The following PIGV variants were observed in gnomAD, a reference collection of about 807,000 sequenced individuals.
The protein encoded by PIGV is GPI alpha-1,6-mannosyltransferase 2.
A neutral mutation model predicts 39.2 loss-of-function variants in PIGV; 27 were observed. The ratio of observed to expected loss-of-function variants is 0.69; its 90% CI spans 0.51 to 0.95. PIGV has a LOEUF of 0.95. PIGV is among the 40% of genes least tolerant of loss of function. PIGV has a pLI of 0.00. For missense variants in PIGV, 523 were observed against 586.4 expected, an observed-to-expected ratio of 0.89 and a Z score of 1.12; for synonymous variants, 232 against 241.7, an observed-to-expected ratio of 0.96 and a Z score of 0.37.
Position 26,800,462 on chromosome 1 carries a change from C to T in PIGV, c.*2618C>T, listed in dbSNP as rs1366084440. ...CTAGAAGTAGATGCTTTTTTTTGTTCTTTAATGAAGGTGGGAGGAGAGTGT... is the reference window on the plus strand; with the variant it reads ...CTAGAAGTAGATGCTTTTTTTTGTTTTTTAATGAAGGTGGGAGGAGAGTGT... On this transcript the variant is annotated 3_prime_UTR_variant, in exon 4 of 4. Transcript: ENST00000674202. Among the ~76,000 whole-genome samples the T allele has an allele frequency of 2.0e-5, 3 of 152,006 alleles. No individual in the cohort carries two copies. Among genetic ancestry groups the T allele is most frequent in the Non-Finnish European group, 4.4e-5 (3 of 67,970 alleles).
In PIGV at chr1:26,799,681, C is replaced by T. The variant is rs766519650; in HGVS notation, c.*1837C>T. Among the ~76,000 whole-genome samples, 6 of 152,168 alleles carry T rather than the reference C, an allele frequency of 3.9e-5. No homozygotes were observed. The highest frequency in any genetic ancestry group is 1.3e-4 in the Admixed American group (2 of 15,276). ...TGGCCAATAAGCATTTCCCATCCATCGCCCCAGCACTAGGACAGCTGAGAG... is the reference window on the plus strand; with the variant it reads ...TGGCCAATAAGCATTTCCCATCCATTGCCCCAGCACTAGGACAGCTGAGAG... On this transcript the variant is annotated 3_prime_UTR_variant, in exon 4 of 4. Transcript: ENST00000674202.
rs2081351058 is a variant in PIGV, at chr1:26,794,356, T to C, written c.322T>C (p.Leu108=). Residue 108 remains leucine (L), a synonymous_variant, in exon 3 of 4, where the codon TTA becomes CTA. Coordinates refer to ENST00000674202, the MANE Select transcript of PIGV (RefSeq NM_017837.4). ...TGAACTGTTGAGACCCTTACGGGGG[T>C]TACTGAGTCTACGCAGTTGCCTGCT... ...GTELLRPLRG[L]LSLRSCLLIS... 1.2e-6 allele frequency: 2 copies of C among 1,614,172 alleles called. No individual in the cohort carries two copies. Among genetic ancestry groups the C allele is most frequent in the African/African-American group, 2.7e-5 (2 of 75,048 alleles).
chr1:26,794,379 G>T lies in PIGV; in HGVS notation c.345G>T (p.Leu115=). The T allele has an allele frequency of 1.2e-6, 2 of 1,614,256 alleles. No homozygotes were observed. Among genetic ancestry groups the T allele is most frequent in the Non-Finnish European group, 1.7e-6 (2 of 1,180,046 alleles). Residue 115 remains leucine (L), a synonymous_variant, in exon 3 of 4, where the codon CTG becomes CTT. Coordinates refer to ENST00000674202, the MANE Select transcript of PIGV (RefSeq NM_017837.4). The part of the protein sequence containing the change: ...LRGLLSLRSC[L]LISVASLNFL... ...GGTTACTGAGTCTACGCAGTTGCCT[G>T]CTGATTTCGGTAGCATCACTCAATT...
rs1350867040 is a variant in PIGV, at chr1:26,794,406, CT to C, written c.374del (p.Leu125CysfsTer52). On this transcript the variant is annotated frameshift_variant, in exon 3 of 4. Transcript: ENST00000674202. LOFTEE classifies it high-confidence loss of function. ...TGATTTCGGTAGCATCACTCAATTT[CT>C]TGTTCTTCATGTTGGCTGCAGTTGC... ...LLISVASLNF[L>X]FFMLAAVALH... 2 of 1,614,236 alleles carry C rather than the reference CT, an allele frequency of 1.2e-6. No individual in the cohort carries two copies. Among genetic ancestry groups the C allele is most frequent in the Non-Finnish European group, 1.7e-6 (2 of 1,180,038 alleles).
chr1:26,797,600 T>C lies in PIGV; in HGVS notation c.1238T>C (p.Met413Thr), dbSNP rs2081400850. 1.2e-6 allele frequency: 2 copies of C among 1,614,162 alleles called. No homozygotes were observed. The highest frequency in any genetic ancestry group is 8.5e-7 in the Non-Finnish European group (1 of 1,180,000). Residue 413 changes from methionine (M) to threonine (T), a missense_variant, in exon 4 of 4, where the codon ATG becomes ACG. By Grantham distance (81) the Met-to-Thr change is moderately conservative (BLOSUM62 -1). Coordinates refer to ENST00000674202, the MANE Select transcript of PIGV (RefSeq NM_017837.4). ...TRFLGSSTPI[M>T]YWFPAHLLQD... is the part of the protein sequence containing the mutation. ...TTTTTGGGCTCCTCCACTCCTATTATGTACTGGTTTCCAGCTCACTTGCTT... is the reference window on the plus strand; with the variant it reads ...TTTTTGGGCTCCTCCACTCCTATTACGTACTGGTTTCCAGCTCACTTGCTT...
At position 26,794,105 on chromosome 1, in the gene PIGV, C is replaced by T; in HGVS notation, c.79-8C>T. 2 of 1,614,060 alleles carry T rather than the reference C, an allele frequency of 1.2e-6. No homozygotes were observed. The highest frequency in any genetic ancestry group is 1.7e-6 in the Non-Finnish European group (2 of 1,179,894). The stretch of plus-strand genomic sequence containing the variant: ...CAACCAAAATTCTGGTTTTTCTTTA[C>T]TCCACAGGCCCTCTTCAATGCCATC... On this transcript the variant is annotated splice_region_variant and splice_polypyrimidine_tract_variant and intron_variant, in intron 2 of 3. Transcript: ENST00000674202.
intron 1 of PIGV, chr1:26,788,891 TGA>T (rs2081274987): frequency 6.6e-6 from 1 of 152,228 alleles, no homozygotes; most frequent in South Asian, 2.1e-4. Context: ...GGCAATTAGC[TGA>T]GAGGGAGAAT....
At chr1:26,789,055 C>T (rs1260238233) in intron 1 of PIGV, 1 of 152,194 alleles carries the variant, frequency 6.6e-6, no homozygotes, top group Non-Finnish European at 1.5e-5. Flanking sequence ...TTTCTGATCC[C>T]AGCTTCTCTT....
rs1462326347 is a variant in PIGV at position 26,794,278 on chromosome 1, G to A, written c.244G>A (p.Glu82Lys). ...CATTGCTGAGCATGGCTACCTGTAT[G>A]AGCACAACTTTGCCTTCTTTCCTGG... is the stretch of plus-strand genomic sequence containing the variant. ...LFIAEHGYLYEHNFAFFPGFP... is the reference protein window; with the variant it reads ...LFIAEHGYLYKHNFAFFPGFP... The change falls in exon 3 of 4, where the codon GAG becomes AAG. Residue 82 changes from glutamate (E) to lysine (K), a missense_variant. Physicochemically the swap from Glu to Lys is moderately conservative, Grantham distance 56 (BLOSUM62 1). Coordinates refer to ENST00000674202, the MANE Select transcript of PIGV (RefSeq NM_017837.4). 1 of 1,614,232 alleles carries A rather than the reference G, an allele frequency of 6.2e-7. No homozygotes were observed. Among genetic ancestry groups the A allele is most frequent in the Non-Finnish European group, 8.5e-7 (1 of 1,180,046 alleles).
At position 26,794,974 on chromosome 1, in the gene PIGV, GTTGGCT is replaced by G. The variant is rs746610869; in HGVS notation, c.943_948del (p.Gly315_Phe316del). ...CTATATCCAGGATGTCTACTGGAATGTTGGCTTTTTGAAATACTATGAGCTCAAGCA... is the reference window on the plus strand; with the variant it reads ...CTATATCCAGGATGTCTACTGGAATGTTTTGAAATACTATGAGCTCAAGCA... On this transcript the variant is annotated inframe_deletion, in exon 3 of 4. Transcript: ENST00000674202. The G allele has an allele frequency of 6.2e-7, 1 of 1,614,240 alleles. No individual in the cohort carries two copies. The highest frequency in any genetic ancestry group is 8.5e-7 in the Non-Finnish European group (1 of 1,180,042).
rs1440653895 is a variant in PIGV at position 26,794,674 on chromosome 1, A to C, written c.640A>C (p.Met214Leu). Residue 214 changes from methionine to leucine, a missense_variant, in exon 3 of 4, where the codon ATG (methionine) becomes CTG (leucine). Transcript: ENST00000674202. Reference sequence around the variant, plus strand: ...CGGGCTGGTCAGTGTTGGCTTCCTCATGCATTCTCAATGCCAAGGCTTTTT... The same window carrying C: ...CGGGCTGGTCAGTGTTGGCTTCCTCCTGCATTCTCAATGCCAAGGCTTTTT... ...SNGLVSVGFLMHSQCQGFFSS... is the reference protein window; with the variant it reads ...SNGLVSVGFLLHSQCQGFFSS... 26 of 1,614,084 alleles carry C rather than the reference A, an allele frequency of 1.6e-5. No homozygotes were observed. The highest frequency in any genetic ancestry group is 2.0e-5 in the Non-Finnish European group (24 of 1,180,046).
upstream of PIGV, chr1:26,787,525 TC>T (rs1488182093): frequency 6.6e-6 from 1 of 152,234 alleles, no homozygotes; most frequent in Non-Finnish European, 1.5e-5. Context: ...AGAATGTTTT[TC>T]TTTGGCTATT....
intron 2 of PIGV, among the ~76,000 whole-genome samples, chr1:26,792,150 C>A (rs1035509328): frequency 6.6e-5 from 10 of 151,730 alleles, no homozygotes; most frequent in African/African-American, 2.2e-4. Context: ...TCTAATAGGG[C>A]AAAAAGACTT....
intron 3 of PIGV, among the ~76,000 whole-genome samples, chr1:26,796,837 C>T (rs983414339): frequency 5.3e-5 from 8 of 152,078 alleles, no homozygotes; most frequent in African/African-American, 9.7e-5. Flanking sequence ...TGGGTGGTGG[C>T]GGTGGTGATA....
chr1:26,797,488 A>G (rs916378020), intron 3 of PIGV, 75 bp from the exon 4 acceptor site: 2 of 1,216,930 alleles, frequency 1.6e-6, no homozygotes, highest in African/African-American at 3.0e-5. Context: ...GCAGTAGAGA[A>G]GTCCCCGGGC....
rs1226968906 is a variant in PIGV at position 26,794,929 on chromosome 1, G to A, written c.895G>A (p.Asp299Asn). The change falls in exon 3 of 4, where the codon GAT becomes AAT. Residue 299 changes from aspartate to asparagine, a missense_variant. Transcript: ENST00000674202. ...AAATGAACCGCCTTGGTGCTTCTGG[G>A]ATGTTCCACTAATATACAGCTATAT... ...EGNEPPWCFWDVPLIYSYIQD... is the reference protein window; with the variant it reads ...EGNEPPWCFWNVPLIYSYIQD... The A allele has an allele frequency of 6.2e-7, 1 of 1,614,150 alleles. No individual in the cohort carries two copies. The highest frequency in any genetic ancestry group is 1.3e-5 in the African/African-American group (1 of 75,020).
chr1:26,798,158 G>A lies in PIGV; in HGVS notation c.*314G>A. The A allele has an allele frequency of 2.6e-6, 1 of 388,040 alleles. No individual in the cohort carries two copies. The allele number at this position is 388,040 out of a possible 1,614,324, so 24.0% of individuals were successfully genotyped here. Reference sequence around the variant, plus strand: ...ACAGTCTTAAACCTACCATTGACCTGTGTGTAAATTTAAATGTCAATTTAT... The same window carrying A: ...ACAGTCTTAAACCTACCATTGACCTATGTGTAAATTTAAATGTCAATTTAT... On this transcript the variant is annotated 3_prime_UTR_variant, in exon 4 of 4. Coordinates refer to ENST00000674202, the MANE Select transcript of PIGV (RefSeq NM_017837.4).
chr1:26,790,993 CT>C (rs1443693134), intron 2 of PIGV, 100 bp downstream of exon 2: 3 of 996,844 alleles, frequency 3.0e-6, no homozygotes, highest in Non-Finnish European at 4.8e-6. Context: ...AGGTGTGCCC[CT>C]CCATGTGGTT....
In PIGV at chr1:26,797,853, C is replaced by G. The variant is rs2081407390; in HGVS notation, c.*9C>G. 5 of 1,613,494 alleles carry G rather than the reference C, an allele frequency of 3.1e-6. No individual in the cohort carries two copies. The highest frequency in any genetic ancestry group is 3.4e-6 in the Non-Finnish European group (4 of 1,179,418). On this transcript the variant is annotated 3_prime_UTR_variant, in exon 4 of 4. Coordinates refer to ENST00000674202, the MANE Select transcript of PIGV (RefSeq NM_017837.4). ...TCCTGCCTTGGACATGACCTGGACT[C>G]TCCAGGGACAGGTTGGAAGCCAACT...
Sources: allele counts gnomAD v4.1 joint callset (sites outside exome capture counted in the v4.1 genomes callset), GRCh38; gene constraint gnomAD v4.1.1; transcripts MANE v1.5; gene names NCBI Gene and HGNC (gene_info 2026-07-23, HGNC 2026-07-21).